ALK: variants seen among roughly 807,000 people sequenced by gnomAD.
The protein encoded by ALK is ALK receptor tyrosine kinase, also known as ALK tyrosine kinase receptor.
ALK carries 74 observed loss-of-function variants against 163.1 expected under a neutral mutation model. That is an observed-to-expected ratio of 0.45 (90% CI 0.38 to 0.55). The LOEUF (loss-of-function observed/expected upper bound fraction) is 0.55, where lower values mean the gene tolerates loss of function less well. ALK is among the 20% of genes least tolerant of loss of function. The probability of loss-of-function intolerance (pLI) is 0.00; values close to 1 mark genes in which losing one functional copy is unlikely to be tolerated. For synonymous variants in ALK, 960 were observed against 843.2 expected (o/e 1.14, Z -2.40); for missense variants, 2,063 against 2,105.3 (o/e 0.98, Z 0.39).
chr2:29,906,263 TGTTC>T (rs1667547802), intron 1 of ALK, among the ~76,000 whole-genome samples: 1 of 152,230 alleles, frequency 6.6e-6, no homozygotes, highest in Non-Finnish European at 1.5e-5. Flanking sequence ...TATATTTATT[TGTTC>T]ATTTGCACAT....
chr2:29,561,443 G>A (rs4283372), intron 3 of ALK, among the ~76,000 whole-genome samples: 24,882 of 152,204 alleles, frequency 0.16, 2,348 homozygotes, highest in East Asian at 0.27. Context: ...TGGGCTGGGC[G>A]TGGAGGAAGC....
At chr2:29,526,619 T>C (rs529418485) in intron 4 of ALK, among the ~76,000 whole-genome samples, 1 of 152,346 alleles carries the variant, frequency 6.6e-6, no homozygotes, top group South Asian at 2.1e-4. Flanking sequence ...CTGAAATCAT[T>C]GTGACACTGC....
rs756611846 is a variant in ALK at position 29,233,669 on chromosome 2, T to C, written c.2383A>G (p.Ile795Val). Residue 795 changes from isoleucine to valine, a missense_variant, in exon 14 of 29, where the codon ATT (isoleucine) becomes GTT (valine). This residue lies in a region of ALK where 575 missense variants were observed against 626.6 expected (regional missense o/e 0.92). Transcript: ENST00000389048. ...STNQLIQKVC[I>V]GENNVIEEEI... ...TCTTCTATCACATTGTTCTCTCCAA[T>C]GCAGACTTTCTGGATTAACTGGTTT... The C allele has an allele frequency of 6.2e-7, 1 of 1,614,254 alleles. No homozygotes were observed. The highest frequency in any genetic ancestry group is 2.2e-5 in the East Asian group (1 of 44,890).
chr2:29,704,422 T>A (rs1033677232), intron 2 of ALK, among the ~76,000 whole-genome samples: 2 of 152,336 alleles, frequency 1.3e-5, no homozygotes, highest in Non-Finnish European at 2.9e-5. Flanking sequence ...CATCAAAGAA[T>A]GCACAGTGGC....
rs567101633 is a variant in ALK at position 29,217,694 on chromosome 2, G to T, written c.3645+3012C>A. On this transcript the variant is annotated intron_variant, in intron 23 of 28. Coordinates refer to ENST00000389048, the MANE Select transcript of ALK (RefSeq NM_004304.5). ...CACTGAGCTACAGAGCTGGCAGGAAGTGAGGACAGAGACCTCTGATTCTGC... is the reference window on the plus strand; with the variant it reads ...CACTGAGCTACAGAGCTGGCAGGAATTGAGGACAGAGACCTCTGATTCTGC... Among the ~76,000 whole-genome samples the T allele has an allele frequency of 1.1e-4, 16 of 152,284 alleles. No individual in the cohort carries two copies. In the South Asian group the frequency reaches 3.3e-3, roughly 32 times the overall value.
At chr2:29,305,879 A>T (rs1334323744) in intron 8 of ALK, among the ~76,000 whole-genome samples, 1 of 152,244 alleles carries the variant, frequency 6.6e-6, no homozygotes, top group Middle Eastern at 3.4e-3. Context: ...ATAATTATAC[A>T]ACTCACCATA....
chr2:29,561,507 T>C (rs1674022594), intron 3 of ALK, among the ~76,000 whole-genome samples: 2 of 152,222 alleles, frequency 1.3e-5, no homozygotes, highest in African/African-American at 4.8e-5. Context: ...CCAAGTTCAC[T>C]GTCAATGGCA....
intron 2 of ALK, among the ~76,000 whole-genome samples, chr2:29,698,476 C>G (rs1678636776): frequency 1.3e-5 from 2 of 152,194 alleles, no homozygotes; most frequent in African/African-American, 4.8e-5. Flanking sequence ...TTATCAGTGC[C>G]TTTCCCAAAG....
intron 1 of ALK, among the ~76,000 whole-genome samples, chr2:29,749,402 C>T (rs747156253): frequency 6.6e-6 from 1 of 152,210 alleles, no homozygotes; most frequent in African/African-American, 2.4e-5. Flanking sequence ...CTTTTACAAA[C>T]AGCACTTCAG....
At chr2:29,388,430 C>T (rs1026199098) in intron 4 of ALK, among the ~76,000 whole-genome samples, 1 of 152,174 alleles carries the variant, frequency 6.6e-6, no homozygotes, top group Non-Finnish European at 1.5e-5. Flanking sequence ...CAAAGGAATG[C>T]CTTTCTGAGA....
intron 1 of ALK, among the ~76,000 whole-genome samples, chr2:29,799,625 GTGAGCTA>G (rs1664411567): frequency 6.6e-6 from 1 of 152,190 alleles, no homozygotes; most frequent in African/African-American, 2.4e-5. Context: ...TCAAGGCTCA[GTGAGCTA>G]TGATTGCACC....
In ALK at chr2:29,820,284, A is replaced by G. The variant is rs942765120; in HGVS notation, c.667+99709T>C. ...TATGGAGAAGTCCACACAGGGAGGA[A>G]GTGAGGACATGCCAATGAGCCATTA... is the stretch of plus-strand genomic sequence containing the variant. On this transcript the variant is annotated intron_variant, in intron 1 of 28. Transcript: ENST00000389048. Among the ~76,000 whole-genome samples, 27 of 152,164 alleles carry G rather than the reference A, an allele frequency of 1.8e-4. 1 individual carries two copies. Among genetic ancestry groups the G allele is most frequent in the Admixed American group, 1.6e-3 (25 of 15,276 alleles).
chr2:29,728,491 T>C (rs973409372), intron 1 of ALK, among the ~76,000 whole-genome samples: 13 of 152,218 alleles, frequency 8.5e-5, no homozygotes, highest in Admixed American at 1.3e-4. Context: ...CAGACAGCCA[T>C]CCAACAACCT....
chr2:29,273,849 T>A (rs1665458712), intron 11 of ALK, among the ~76,000 whole-genome samples: 1 of 152,186 alleles, frequency 6.6e-6, no homozygotes, highest in Non-Finnish European at 1.5e-5. Context: ...GGTGAATCAC[T>A]GGGCCTGGGG....
chr2:29,852,832 T>TC (rs1298090937), intron 1 of ALK, among the ~76,000 whole-genome samples: 1 of 148,476 alleles, frequency 6.7e-6, no homozygotes, highest in African/African-American at 2.5e-5. Context: ...GACCAGAGCT[T>TC]TCTCTCTCTC....
rs1344940229 is a variant in ALK, at chr2:29,629,207, C to A, written c.952+65643G>T. Among the ~76,000 whole-genome samples the A allele has an allele frequency of 1.3e-5, 2 of 152,180 alleles. 1 individual carries two copies. On this transcript the variant is annotated intron_variant, in intron 3 of 28. Coordinates refer to ENST00000389048, the MANE Select transcript of ALK (RefSeq NM_004304.5). ...GTTTTAAGAATCCCACACTCAAACC[C>A]AACTGACAGGACCATTGCCTATTAA...
At chr2:29,485,834 C>T (rs1372368015) in intron 4 of ALK, among the ~76,000 whole-genome samples, 1 of 152,160 alleles carries the variant, frequency 6.6e-6, no homozygotes, top group Non-Finnish European at 1.5e-5. Flanking sequence ...AGGACTGCAA[C>T]TTGCGAAAAA....
intron 2 of ALK, among the ~76,000 whole-genome samples, chr2:29,700,601 CGAGT>C (rs759457010): frequency 1.3e-5 from 2 of 152,096 alleles, no homozygotes; most frequent in East Asian, 1.9e-4. Context: ...GCAGGATGAA[CGAGT>C]GAGTGTGTGT....
intron 1 of ALK, among the ~76,000 whole-genome samples, chr2:29,898,698 T>G (rs1223342065): frequency 6.6e-6 from 1 of 152,212 alleles, no homozygotes; most frequent in African/African-American, 2.4e-5. Flanking sequence ...GCCACAGGAC[T>G]GAATGTCCCC....
Sources: allele counts gnomAD v4.1 joint callset (sites outside exome capture counted in the v4.1 genomes callset), GRCh38; gene constraint gnomAD v4.1.1; regional missense constraint gnomAD v4.1.1; transcripts MANE v1.5; gene names NCBI Gene and HGNC (gene_info 2026-07-23, HGNC 2026-07-21).